The following MRPL33 variants were observed in gnomAD, a reference collection of about 807,000 sequenced individuals.
The protein encoded by MRPL33 is large ribosomal subunit protein bL33m.
In MRPL33, 5 loss-of-function variants were observed where a neutral mutation model predicts 10.1. The observed-to-expected ratio is 0.49, with a 90% CI of 0.26 to 1.04. The LOEUF is 1.04. Ranked by LOEUF, MRPL33 falls within the 50% of genes least tolerant of loss-of-function variation. The probability of loss-of-function intolerance (pLI) is 0.14; values close to 1 mark genes in which losing one functional copy is unlikely to be tolerated. For missense variants in MRPL33, 79 were observed against 78.1 expected, an observed-to-expected ratio of 1.01 and a Z score of -0.04; for synonymous variants, 24 against 27.7, an observed-to-expected ratio of 0.87 and a Z score of 0.42.
rs1247966788 is a variant in MRPL33 at position 27,774,213 on chromosome 2, ACT to A, written c.42-208_42-207del. 4.6e-5 allele frequency among the ~76,000 whole-genome samples: 7 copies of A among 152,206 alleles called. No individual in the cohort carries two copies. In the South Asian group the frequency reaches 1.0e-3, roughly 23 times the overall value. ...GTTTTGGTTAGGTCATTGCGAAGTA[ACT>A]CTGTGTAGTGGAGCAAATCCTAGAG... On this transcript the variant is annotated intron_variant, in intron 2 of 3. Coordinates refer to ENST00000296102, the MANE Select transcript of MRPL33 (RefSeq NM_004891.4).
chr2:27,779,679 CATTT>C lies in MRPL33; in HGVS notation c.*204_*207del, dbSNP rs1553373243. The C allele has an allele frequency of 7.1e-6, 7 of 992,648 alleles. No homozygotes were observed. The highest frequency in any genetic ancestry group is 2.9e-5 in the Admixed American group (1 of 34,452). 61.5% of individuals were successfully genotyped at this position (992,648 alleles called of 1,614,324 possible). On this transcript the variant is annotated 3_prime_UTR_variant, in exon 4 of 4. Coordinates refer to ENST00000296102, the MANE Select transcript of MRPL33 (RefSeq NM_004891.4). The stretch of plus-strand genomic sequence containing the variant: ...TATTAGGACAGATATCATTGCATCA[CATTT>C]ATTTATCTTTCTGGGTATTTTTATA...
intron 3 of MRPL33, among the ~76,000 whole-genome samples, chr2:27,778,857 C>T (rs1489413481): frequency 2.0e-5 from 3 of 152,130 alleles, no homozygotes; most frequent in Non-Finnish European, 4.4e-5. Flanking sequence ...CCCAGCTAGC[C>T]TTCAGTGTTT....
intron 3 of MRPL33, 109 bp from the exon 4 acceptor site, chr2:27,779,324 T>C (rs1160849302): frequency 1.5e-5 from 19 of 1,285,118 alleles, no homozygotes; most frequent in African/African-American, 6.0e-5. Flanking sequence ...TATCAAGGAA[T>C]AGTAAAATAA....
At chr2:27,774,302 G>T in intron 2 of MRPL33, 122 bp from the exon 3 acceptor site, 1 of 767,146 alleles carries the variant, frequency 1.3e-6, no homozygotes. Context: ...GAACCTTTTA[G>T]GGCCAAGTGA....
At position 27,776,776 on chromosome 2, in the gene MRPL33, ATTC is replaced by A. The variant is rs1677182336; in HGVS notation, c.148+2251_148+2253del. 2.6e-5 allele frequency among the ~76,000 whole-genome samples: 4 copies of A among 152,376 alleles called. No homozygotes were observed. The South Asian group carries it at 8.3e-4, about 32-fold the overall frequency. On this transcript the variant is annotated intron_variant, in intron 3 of 3. Coordinates refer to ENST00000296102, the MANE Select transcript of MRPL33 (RefSeq NM_004891.4). The stretch of plus-strand genomic sequence containing the variant: ...TGTAGGGAGAGAACTTGACAGATTC[ATTC>A]TTCTATGAATTAAGCAGCAAATATT...
intron 3 of MRPL33, among the ~76,000 whole-genome samples, chr2:27,776,465 G>T (rs1206109556): frequency 6.6e-6 from 1 of 152,228 alleles, no homozygotes; most frequent in African/African-American, 2.4e-5. Flanking sequence ...AAGGAAATAG[G>T]TAAGGAAACG....
intron 1 of MRPL33, chr2:27,772,469 C>G (rs573329367): frequency 2.1e-5 from 11 of 514,550 alleles, no homozygotes; most frequent in Admixed American, 3.7e-5. Flanking sequence ...TTGTGTTGGT[C>G]TGATTGGATC....
rs766882024 is a variant in MRPL33 at position 27,779,663 on chromosome 2, A to C, written c.*181A>C. On this transcript the variant is annotated 3_prime_UTR_variant, in exon 4 of 4. Coordinates refer to ENST00000296102, the MANE Select transcript of MRPL33 (RefSeq NM_004891.4). ...GAAAGAAAGTTCTTCATATTAGGACAGATATCATTGCATCACATTTATTTA... is the reference window on the plus strand; with the variant it reads ...GAAAGAAAGTTCTTCATATTAGGACCGATATCATTGCATCACATTTATTTA... 355 of 1,153,652 alleles carry C rather than the reference A, an allele frequency of 3.1e-4. No homozygotes were observed. Among genetic ancestry groups the C allele is most frequent in the Admixed American group, 4.6e-4 (17 of 37,324 alleles). The allele number at this position is 1,153,652 out of a possible 1,614,324, so 71.5% of individuals were successfully genotyped here. A position where few individuals can be genotyped will look rare whatever the true frequency, so the allele number is the denominator to read the frequency against.
chr2:27,775,011 C>T (rs767515986), intron 3 of MRPL33, among the ~76,000 whole-genome samples: 3 of 152,144 alleles, frequency 2.0e-5, no homozygotes, highest in Non-Finnish European at 4.4e-5. Context: ...TCGACAGTGG[C>T]TAGTATTTGG....
In MRPL33 at chr2:27,779,510, A is replaced by G. The variant is rs1350614703; in HGVS notation, c.*28A>G. ...GGTGGATTGAAAATGACTTTGATTT[A>G]TAAAGAGAAGACTGAGGGCGGGGAT... On this transcript the variant is annotated 3_prime_UTR_variant, in exon 4 of 4. Coordinates refer to ENST00000296102, the MANE Select transcript of MRPL33 (RefSeq NM_004891.4). The G allele has an allele frequency of 8.7e-6, 14 of 1,613,234 alleles. No homozygotes were observed. Among genetic ancestry groups the G allele is most frequent in the South Asian group, 2.2e-5 (2 of 90,766 alleles).
rs140702218 is a variant in MRPL33, at chr2:27,778,029, C to T, written c.149-1404C>T. On this transcript the variant is annotated intron_variant, in intron 3 of 3. Transcript: ENST00000296102. Reference sequence around the variant, plus strand: ...GAGGATCAATCCTACTTACATTTCACATGATTTGAAGTATGTTAAAAAGAT... The same window carrying T: ...GAGGATCAATCCTACTTACATTTCATATGATTTGAAGTATGTTAAAAAGAT... 2.9e-3 allele frequency among the ~76,000 whole-genome samples: 440 copies of T among 152,310 alleles called. 4 individuals are homozygous for T. The highest frequency in any genetic ancestry group is 5.2e-3 in the Non-Finnish European group (354 of 68,034).
rs764934798 is a variant in MRPL33 at position 27,771,763 on chromosome 2, C to A, written c.-15C>A. ...CCTTTTGGCCGGTGACGGAGACTGC[C>A]CAGGTGTGGTCACCATGTTCCTCTC... On this transcript the variant is annotated 5_prime_UTR_variant, in exon 1 of 4. Coordinates refer to ENST00000296102, the MANE Select transcript of MRPL33 (RefSeq NM_004891.4). 8 of 1,614,014 alleles carry A rather than the reference C, an allele frequency of 5.0e-6. No homozygotes were observed. Among genetic ancestry groups the A allele is most frequent in the Non-Finnish European group, 6.8e-6 (8 of 1,179,992 alleles).
In MRPL33 at chr2:27,777,943, T is replaced by C. The variant is rs78456929; in HGVS notation, c.149-1490T>C. Among the ~76,000 whole-genome samples, 269 of 152,354 alleles carry C rather than the reference T, an allele frequency of 1.8e-3. 1 individual carries two copies. Among genetic ancestry groups the C allele is most frequent in the African/African-American group, 6.1e-3 (252 of 41,580 alleles). On this transcript the variant is annotated intron_variant, in intron 3 of 3. Transcript: ENST00000296102. ...GTCGTAATATAGATGAGAAACTGTT[T>C]TGGTTCTTTACTACCATCTTGTAAT...
chr2:27,779,275 G>A (rs1376077388), intron 3 of MRPL33, among the ~76,000 whole-genome samples, 158 bp from the exon 4 acceptor site: 1 of 152,098 alleles, frequency 6.6e-6, no homozygotes, highest in African/African-American at 2.4e-5. Context: ...CTGGCTCCTG[G>A]GATGGAGGAA....
rs375080416 is a variant in MRPL33, at chr2:27,774,377, A to G, written c.42-47A>G. ...GTGCCATCCCCCTGTGACTGATTTT[A>G]GTTTATTTCGTCAGCTCGTACATAA... On this transcript the variant is annotated intron_variant, in intron 2 of 3. Coordinates refer to ENST00000296102, the MANE Select transcript of MRPL33 (RefSeq NM_004891.4). 6.1e-6 allele frequency: 9 copies of G among 1,478,940 alleles called. No homozygotes were observed. The South Asian group carries it at 9.1e-5, about 15-fold the overall frequency. The allele number at this position is 1,478,940 out of a possible 1,614,324, so 91.6% of individuals were successfully genotyped here.
chr2:27,778,435 A>C (rs1677215213), intron 3 of MRPL33, among the ~76,000 whole-genome samples: 1 of 151,642 alleles, frequency 6.6e-6, no homozygotes, highest in East Asian at 1.9e-4. Flanking sequence ...GGAAATAGGT[A>C]GGGGTGTGTG....
Position 27,771,788 on chromosome 2 carries a change from C to T in MRPL33, c.11C>T (p.Ser4Phe), listed in dbSNP as rs1340344756. MFL[S>F]AVFFAKSKSK... ...CCAGGTGTGGTCACCATGTTCCTCT[C>T]CGCGGTCTTCTGTAAGTGGGGCTGG... The change falls in exon 1 of 4, where the codon TCC (serine) becomes TTC (phenylalanine). Residue 4 changes from serine to phenylalanine, a missense_variant. Ser to Phe is a radical substitution (Grantham distance 155). Transcript: ENST00000296102. 6.2e-7 allele frequency: 1 copy of T among 1,613,980 alleles called. No homozygotes were observed. The highest frequency in any genetic ancestry group is 1.1e-5 in the South Asian group (1 of 91,072).
At chr2:27,777,223 C>G (rs1052767012) in intron 3 of MRPL33, among the ~76,000 whole-genome samples, 3 of 151,956 alleles carry the variant, frequency 2.0e-5, no homozygotes, top group Non-Finnish European at 4.4e-5. Context: ...TGTACAGTGT[C>G]TTCTGTGTTG....
chr2:27,777,677 C>G (rs1376573051), intron 3 of MRPL33, among the ~76,000 whole-genome samples: 1 of 152,168 alleles, frequency 6.6e-6, no homozygotes, highest in Non-Finnish European at 1.5e-5. Flanking sequence ...TCTACATTGC[C>G]TAGCACAGTT....
Sources: allele counts gnomAD v4.1 joint callset (sites outside exome capture counted in the v4.1 genomes callset), GRCh38; gene constraint gnomAD v4.1.1; transcripts MANE v1.5; gene names NCBI Gene and HGNC (gene_info 2026-07-23, HGNC 2026-07-21).